The following SRGAP3 variants were observed in gnomAD, a reference collection of about 807,000 sequenced individuals.
SRGAP3 encodes SLIT-ROBO Rho GTPase activating protein 3.
In SRGAP3, 39 loss-of-function variants were observed where a neutral mutation model predicts 121.1. That is an observed-to-expected ratio of 0.32 (90% CI 0.25 to 0.42). The LOEUF (loss-of-function observed/expected upper bound fraction) is 0.42, where lower values mean the gene tolerates loss of function less well. SRGAP3 is among the 10% of genes least tolerant of loss of function. SRGAP3 has a pLI of 1.00. For missense variants in SRGAP3, 1,213 were observed against 1,470.6 expected (o/e 0.82, Z 2.86); for synonymous variants, 601 against 570.0 (o/e 1.05, Z -0.77).
chr3:9,124,675 C>A (rs759411551), intron 2 of SRGAP3, 50 bp downstream of exon 2: 10 of 1,611,002 alleles, frequency 6.2e-6, no homozygotes, highest in Non-Finnish European at 7.6e-6. Context: ...AACTGTCCGC[C>A]CACCCCAGTG....
intron 1 of SRGAP3, among the ~76,000 whole-genome samples, chr3:9,180,452 A>G (rs993490015): frequency 5.3e-5 from 8 of 152,182 alleles, no homozygotes; most frequent in African/African-American, 1.9e-4. Flanking sequence ...TTTTGGCTGC[A>G]GAAGCAGGCG....
intron 1 of SRGAP3, 129 bp from the exon 2 acceptor site, chr3:9,125,046 G>T: frequency 9.5e-7 from 1 of 1,057,412 alleles, no homozygotes; most frequent in Non-Finnish European, 1.4e-6. Flanking sequence ...GCCTCTCTGA[G>T]CCCAGCCAGA....
intron 3 of SRGAP3, among the ~76,000 whole-genome samples, chr3:9,082,859 C>T (rs956806074): frequency 5.9e-5 from 9 of 152,156 alleles, no homozygotes; most frequent in Non-Finnish European, 1.0e-4. Flanking sequence ...TCTCAGCTTC[C>T]GGGCCTGGCT....
chr3:9,170,361 G>A (rs746921636), intron 1 of SRGAP3, among the ~76,000 whole-genome samples: 5 of 152,066 alleles, frequency 3.3e-5, no homozygotes, highest in East Asian at 3.9e-4. Flanking sequence ...GTTTTTTTAC[G>A]TGGAAAACAC....
intron 3 of SRGAP3, among the ~76,000 whole-genome samples, chr3:9,288,130 G>GTT (rs57076828): frequency 0.051 from 6,098 of 118,982 alleles, 247 homozygotes; most frequent in South Asian, 0.093. Context: ...TTCTATCTTT[G>GTT]TTTTTTTTTT....
chr3:9,116,022 G>A (rs1948792490), intron 2 of SRGAP3, among the ~76,000 whole-genome samples: 2 of 152,206 alleles, frequency 1.3e-5, no homozygotes, highest in African/African-American at 4.8e-5. Flanking sequence ...CAGAAACCTT[G>A]AAAGAGAATT....
chr3:9,116,955 T>C (rs1560185806), intron 2 of SRGAP3, among the ~76,000 whole-genome samples: 3 of 152,198 alleles, frequency 2.0e-5, no homozygotes, highest in Admixed American at 1.3e-4. Flanking sequence ...AGTACAGCAC[T>C]TGGTCCACGG....
At chr3:9,341,325 G>T (rs576351870) in intron 1 of SRGAP3, among the ~76,000 whole-genome samples, 1 of 152,080 alleles carries the variant, frequency 6.6e-6, no homozygotes, top group African/African-American at 2.4e-5. Flanking sequence ...AGTCCAGTAG[G>T]ATTTTCTTCC....
intron 4 of SRGAP3, among the ~76,000 whole-genome samples, chr3:9,073,096 T>C (rs1037709563): frequency 7.2e-5 from 11 of 152,256 alleles, no homozygotes; most frequent in African/African-American, 2.7e-4. Flanking sequence ...ATGTGAAGTA[T>C]CATTTCCTTC....
At chr3:9,309,671 G>A (rs900708272) in intron 3 of SRGAP3, among the ~76,000 whole-genome samples, 1 of 152,278 alleles carries the variant, frequency 6.6e-6, no homozygotes, top group Admixed American at 6.5e-5. Context: ...GACCAGCCTG[G>A]CAACATAGTG....
rs182995874 is a variant in SRGAP3 at position 9,154,946 on chromosome 3, C to G, written c.68-30029G>C. Among the ~76,000 whole-genome samples, 485 of 151,634 alleles carry G rather than the reference C, an allele frequency of 3.2e-3. 2 individuals are homozygous for G. Among genetic ancestry groups the G allele is most frequent in the Non-Finnish European group, 3.5e-3 (241 of 67,930 alleles). On this transcript the variant is annotated intron_variant, in intron 1 of 21. Coordinates refer to ENST00000383836, the MANE Select transcript of SRGAP3 (RefSeq NM_014850.4). ...ATCAATGGTTATATAAATTTGCAAC[C>G]AACATATTTCATCAATCTCCAGGCT...
intron 12 of SRGAP3, 45 bp from the exon 13 acceptor site, chr3:9,027,040 C>T (rs1209820607): frequency 5.1e-6 from 8 of 1,577,414 alleles, no homozygotes; most frequent in Non-Finnish European, 7.0e-6. Context: ...TTGACAACCA[C>T]CACAGGAAAA....
intron 3 of SRGAP3, among the ~76,000 whole-genome samples, chr3:9,315,879 A>C (rs900152437): frequency 2.0e-5 from 3 of 152,174 alleles, no homozygotes; most frequent in Admixed American, 6.5e-5. Context: ...GGGAAGGGAA[A>C]ACAGAGATGA....
chr3:9,056,136 C>G, intron 8 of SRGAP3, 97 bp downstream of exon 8: 2 of 1,075,220 alleles, frequency 1.9e-6, no homozygotes, highest in Non-Finnish European at 2.9e-6. Flanking sequence ...ATAAGTGGAA[C>G]TATCATTTCT....
intron 20 of SRGAP3, among the ~76,000 whole-genome samples, chr3:8,992,170 T>G (rs1195108334): frequency 6.6e-6 from 1 of 152,230 alleles, no homozygotes; most frequent in Non-Finnish European, 1.5e-5. Flanking sequence ...TGCAAATACC[T>G]ACATGTGTGG....
At chr3:9,029,184 TCATAGGTAATA>T (rs1944357750) in intron 12 of SRGAP3, among the ~76,000 whole-genome samples, 2 of 152,230 alleles carry the variant, frequency 1.3e-5, no homozygotes, top group Admixed American at 6.5e-5. Context: ...ATGCTAATAA[TCATAGGTAATA>T]CATAGTGCTT....
chr3:9,091,122 C>T (rs114353138), intron 3 of SRGAP3, among the ~76,000 whole-genome samples: 5,335 of 152,138 alleles, frequency 0.035, 172 homozygotes, highest in Non-Finnish European at 0.046. Context: ...TTTCATTTCT[C>T]CCAATGACAC....
rs1409960451 is a variant in SRGAP3, at chr3:9,028,040, C to G, written c.1540-1045G>C. The G allele has an allele frequency of 3.7e-6, 6 of 1,603,624 alleles. No individual in the cohort carries two copies. The East Asian group carries it at 1.3e-4, about 36-fold the overall frequency. On this transcript the variant is annotated intron_variant, in intron 12 of 21. Coordinates refer to ENST00000383836, the MANE Select transcript of SRGAP3 (RefSeq NM_014850.4). The stretch of plus-strand genomic sequence containing the variant: ...GCAAGGTGGGCTCTGTTCTGGAAGT[C>G]AGCACTAAAGACAGTTTCCATCACG...
chr3:9,023,751 A>G (rs1230445639), intron 14 of SRGAP3, among the ~76,000 whole-genome samples: 1 of 152,194 alleles, frequency 6.6e-6, no homozygotes, highest in African/African-American at 2.4e-5. Flanking sequence ...TACATGACTA[A>G]GTAGGAGCTT....
Sources: gnomAD v4.1 joint callset for allele counts (sites outside exome capture counted in the v4.1 genomes callset) on GRCh38, gnomAD v4.1.1 for gene constraint, MANE v1.5 for transcripts, NCBI Gene and HGNC (gene_info 2026-07-23, HGNC 2026-07-21) for gene names.